MPHOSPH9: variants seen among roughly 807,000 people sequenced by gnomAD.
MPHOSPH9 encodes M-phase phosphoprotein 9.
A neutral mutation model predicts 145.5 loss-of-function variants in MPHOSPH9; 88 were observed. The observed-to-expected ratio is 0.60, with a 90% CI of 0.51 to 0.72. MPHOSPH9 has a LOEUF of 0.72. MPHOSPH9 is among the 30% of genes least tolerant of loss of function. The pLI is 0.00. For synonymous variants in MPHOSPH9, 435 were observed against 486.2 expected, an observed-to-expected ratio of 0.89 and a Z score of 1.39; for missense variants, 1,238 against 1,386.6, an observed-to-expected ratio of 0.89 and a Z score of 1.70.
chr12:123,170,427 G>A (rs913881442), intron 16 of MPHOSPH9, among the ~76,000 whole-genome samples: 4 of 152,156 alleles, frequency 2.6e-5, no homozygotes, highest in African/African-American at 9.7e-5. Context: ...ATAGGCGTGA[G>A]CCACTGTGTC....
At chr12:123,171,099 G>C (rs2044557449) in intron 16 of MPHOSPH9, among the ~76,000 whole-genome samples, 1 of 152,134 alleles carries the variant, frequency 6.6e-6, no homozygotes, top group Non-Finnish European at 1.5e-5. Flanking sequence ...TGATTTGTAA[G>C]AGTTCTTTCA....
chr12:123,218,077 G>A (rs2047044492), intron 6 of MPHOSPH9, among the ~76,000 whole-genome samples: 1 of 151,538 alleles, frequency 6.6e-6, no homozygotes. Context: ...CAGGCATGGT[G>A]GCACACGACT....
intron 2 of MPHOSPH9, among the ~76,000 whole-genome samples, chr12:123,228,233 A>G (rs1415122624): frequency 1.3e-5 from 2 of 152,206 alleles, no homozygotes; most frequent in Non-Finnish European, 2.9e-5. Flanking sequence ...TAAACACACA[A>G]TATATTTCAG....
intron 7 of MPHOSPH9, among the ~76,000 whole-genome samples, chr12:123,213,265 G>A (rs542176298): frequency 2.6e-5 from 4 of 152,226 alleles, no homozygotes; most frequent in East Asian, 1.9e-4. Context: ...GTGGGCTAAT[G>A]TAAGTGTTCT....
chr12:123,232,161 C>A (rs1022573349), intron 1 of MPHOSPH9, among the ~76,000 whole-genome samples: 2 of 151,670 alleles, frequency 1.3e-5, no homozygotes, highest in Non-Finnish European at 2.9e-5. Flanking sequence ...TTCCAATCAC[C>A]ATGCTATTAC....
chr12:123,202,543 C>G, intron 10 of MPHOSPH9, 81 bp downstream of exon 10: 2 of 1,380,118 alleles, frequency 1.4e-6, no homozygotes. Flanking sequence ...TTATGCAATA[C>G]TGAAGTTCAA....
At position 123,203,010 on chromosome 12, in the gene MPHOSPH9, C is replaced by T. The variant is rs200179660; in HGVS notation, c.1395G>A (p.Pro465=). 11 of 1,614,158 alleles carry T rather than the reference C, an allele frequency of 6.8e-6. No individual in the cohort carries two copies. The highest frequency in any genetic ancestry group is 6.7e-5 in the Admixed American group (4 of 59,996). The change falls in exon 10 of 24, where the codon CCG becomes CCA. Residue 465 remains proline, a synonymous_variant. Coordinates refer to ENST00000606320, the MANE Select transcript of MPHOSPH9 (RefSeq NM_022782.4). The part of the protein sequence containing the change: ...QISGIQPHGL[P]NALDDRISFS... ...AGGATATTCTGTCATCAAGGGCATT[C>T]GGAAGGCCGTGAGGTTGAATCCCTG...
In MPHOSPH9 at chr12:123,227,584, G is replaced by T. The variant is rs1037475566; in HGVS notation, c.137C>A (p.Ser46Tyr). 3.7e-5 allele frequency: 57 copies of T among 1,531,528 alleles called. No individual in the cohort carries two copies. The Middle Eastern group carries it at 1.0e-3, about 27-fold the overall frequency. The allele number at this position is 1,531,528 out of a possible 1,614,324, so 94.9% of individuals were successfully genotyped here. A position where few individuals can be genotyped will look rare whatever the true frequency, so the allele number is the denominator to read the frequency against. ...SSPHLSTNGV[S>Y]SFSGKTRPSV... ...TGGTCTGGTCTTCCCTGAGAAAGAG[G>T]ATACCCCATTTGTACTAAGGTGGGG... The change falls in exon 3 of 24, where the codon TCC (serine) becomes TAC (tyrosine). Residue 46 changes from serine to tyrosine, a missense_variant. Around this residue, in one of 3 missense-constraint regions of MPHOSPH9, gnomAD observed 837 missense variants for 897.5 expected, o/e 0.93. Transcript: ENST00000606320.
intron 16 of MPHOSPH9, among the ~76,000 whole-genome samples, chr12:123,169,463 C>T (rs1288984628): frequency 6.6e-6 from 1 of 150,682 alleles, no homozygotes; most frequent in Non-Finnish European, 1.5e-5. Flanking sequence ...TGCACCACTG[C>T]ACTTCAGCCT....
In MPHOSPH9 at chr12:123,156,272, A is replaced by T. The variant is rs1371682318; in HGVS notation, c.*535T>A. On this transcript the variant is annotated 3_prime_UTR_variant, in exon 24 of 24. Coordinates refer to ENST00000606320, the MANE Select transcript of MPHOSPH9 (RefSeq NM_022782.4). ...AGCTTTCCAAGAGTCCATTATTACT[A>T]TTCTGATATTCACTCTAAGACACGT... 6.6e-6 allele frequency: 1 copy of T among 152,242 alleles called. No individual in the cohort carries two copies. The highest frequency in any genetic ancestry group is 2.4e-5 in the African/African-American group (1 of 41,466). 9.4% of individuals were successfully genotyped at this position (152,242 alleles called of 1,614,324 possible).
intron 3 of MPHOSPH9, among the ~76,000 whole-genome samples, chr12:123,226,761 T>C (rs904739035): frequency 6.6e-6 from 1 of 152,054 alleles, no homozygotes; most frequent in Non-Finnish European, 1.5e-5. Flanking sequence ...CCCAAGTAGC[T>C]AGGACTACAG....
chr12:123,189,292 C>T (rs59881907), intron 13 of MPHOSPH9, among the ~76,000 whole-genome samples: 3,852 of 152,274 alleles, frequency 0.025, 146 homozygotes, highest in African/African-American at 0.086. Context: ...GTCCTAGACA[C>T]TGCAGAGCAG....
chr12:123,163,424 T>TA, intron 19 of MPHOSPH9: 1 of 299,592 alleles, frequency 3.3e-6, no homozygotes, highest in Admixed American at 4.9e-5. Flanking sequence ...AGCAGTACAC[T>TA]ACTGAACATT....
At chr12:123,219,787 T>C (rs1351137071) in intron 5 of MPHOSPH9, among the ~76,000 whole-genome samples, 2 of 152,164 alleles carry the variant, frequency 1.3e-5, no homozygotes. Flanking sequence ...AATTATGAAA[T>C]TTTTAAGGAT....
chr12:123,228,336 TA>T (rs1284715641), intron 2 of MPHOSPH9, among the ~76,000 whole-genome samples: 5 of 152,100 alleles, frequency 3.3e-5, no homozygotes, highest in African/African-American at 7.2e-5. Flanking sequence ...ATAATTTGTT[TA>T]AAAAAATAAA....
intron 13 of MPHOSPH9, among the ~76,000 whole-genome samples, chr12:123,187,552 A>G (rs1311101897): frequency 6.6e-6 from 1 of 152,182 alleles, no homozygotes; most frequent in Non-Finnish European, 1.5e-5. Context: ...TAGGCAAAAT[A>G]ATTTTTACAA....
chr12:123,231,772 T>C (rs561408607), intron 1 of MPHOSPH9, among the ~76,000 whole-genome samples: 29 of 151,778 alleles, frequency 1.9e-4, no homozygotes, highest in Non-Finnish European at 3.8e-4. Context: ...ATATATACCA[T>C]GGCAAATTGG....
intron 8 of MPHOSPH9, among the ~76,000 whole-genome samples, chr12:123,207,471 T>C (rs921728646): frequency 3.9e-5 from 6 of 152,230 alleles, no homozygotes; most frequent in Non-Finnish European, 8.8e-5. Flanking sequence ...CATCTGTCTG[T>C]CTGTATATGT....
chr12:123,188,376 A>G (rs1410548267), intron 13 of MPHOSPH9, among the ~76,000 whole-genome samples: 3 of 150,956 alleles, frequency 2.0e-5, no homozygotes, highest in Non-Finnish European at 4.4e-5. Context: ...CTCATATTCT[A>G]TGTCCCAACC....
Sources: allele counts gnomAD v4.1 joint callset (sites outside exome capture counted in the v4.1 genomes callset), GRCh38; gene constraint gnomAD v4.1.1; regional missense constraint gnomAD v4.1.1; transcripts MANE v1.5; gene names NCBI Gene and HGNC (gene_info 2026-07-23, HGNC 2026-07-21).